Variants in MEP1A observed in about 807,000 individuals in gnomAD.
The protein encoded by MEP1A is meprin A subunit alpha, also known as N-benzoyl-L-tyrosyl-P-amino-benzoic acid hydrolase subunit alpha.
In MEP1A, 68 loss-of-function variants were observed where a neutral mutation model predicts 84.5. That is an observed-to-expected ratio of 0.80 (90% CI 0.66 to 0.98). MEP1A has a LOEUF of 0.98. MEP1A is among the 50% of genes least tolerant of loss of function. MEP1A has a pLI of 0.00. For missense variants in MEP1A, 887 were observed against 919.9 expected (o/e 0.96, Z 0.46); for synonymous variants, 337 against 336.8 (o/e 1.00, Z -0.01).
At chr6:46,806,940 C>A (rs1767339877) in intron 5 of MEP1A, among the ~76,000 whole-genome samples, 1 of 151,900 alleles carries the variant, frequency 6.6e-6, no homozygotes, top group South Asian at 2.1e-4. Context: ...AAAAGTCCTC[C>A]AGTTTCTGCC....
chr6:46,838,177 G>T (rs752359952), intron 13 of MEP1A, among the ~76,000 whole-genome samples: 1 of 151,718 alleles, frequency 6.6e-6, no homozygotes, highest in East Asian at 1.9e-4. Context: ...ACAGGCGTAT[G>T]CCACCATGCC....
chr6:46,825,787 T>A (rs1352074949), intron 8 of MEP1A, among the ~76,000 whole-genome samples: 1 of 152,322 alleles, frequency 6.6e-6, no homozygotes, highest in East Asian at 1.9e-4. Context: ...TTATGTTTTA[T>A]AAAGTCAAAG....
chr6:46,797,085 A>G (rs1427568872), intron 3 of MEP1A, among the ~76,000 whole-genome samples: 1 of 152,216 alleles, frequency 6.6e-6, no homozygotes, highest in African/African-American at 2.4e-5. Flanking sequence ...AGTCACTGGC[A>G]AGTGAAATCA....
intron 4 of MEP1A, 129 bp from the exon 5 acceptor site, chr6:46,798,977 A>C: frequency 1.5e-6 from 1 of 667,314 alleles, no homozygotes. Flanking sequence ...CATAATCAAA[A>C]GACAAATTGC....
At chr6:46,797,373 C>G (rs1767067748) in intron 3 of MEP1A, among the ~76,000 whole-genome samples, 1 of 152,170 alleles carries the variant, frequency 6.6e-6, no homozygotes, top group Non-Finnish European at 1.5e-5. Context: ...AGAAATTTTC[C>G]TACAAAGATC....
chr6:46,805,203 A>T (rs1032667381), intron 5 of MEP1A, among the ~76,000 whole-genome samples: 1 of 151,870 alleles, frequency 6.6e-6, no homozygotes, highest in Non-Finnish European at 1.5e-5. Flanking sequence ...TTGCTGGGTT[A>T]TAGTATAGGT....
intron 6 of MEP1A, among the ~76,000 whole-genome samples, chr6:46,811,176 T>C (rs1461693641): frequency 6.6e-6 from 1 of 152,134 alleles, no homozygotes; most frequent in African/African-American, 2.4e-5. Flanking sequence ...CTTGCAGTGG[T>C]CTTTCAGTCT....
chr6:46,809,278 C>T, intron 5 of MEP1A, 142 bp from the exon 6 acceptor site: 2 of 567,636 alleles, frequency 3.5e-6, no homozygotes, highest in Non-Finnish European at 5.9e-6. Context: ...TTTTAGTTAC[C>T]AGGAAATCTA....
intron 2 of MEP1A, 30 bp from the exon 3 acceptor site, chr6:46,793,636 A>G (rs773091636): frequency 1.8e-5 from 28 of 1,588,506 alleles, no homozygotes; most frequent in African/African-American, 4.1e-5. Context: ...CGGCAAGACT[A>G]ATAATAATTT....
At chr6:46,841,153 A>G (rs114608858), downstream of MEP1A, among the ~76,000 whole-genome samples, 2,213 of 152,338 alleles carry the variant, frequency 0.015, 52 homozygotes, top group African/African-American at 0.05. Context: ...AAGATAACCT[A>G]GTATTTTCAT....
At chr6:46,843,280 G>A (rs1768364312), downstream of MEP1A, among the ~76,000 whole-genome samples, 1 of 152,146 alleles carries the variant, frequency 6.6e-6, no homozygotes, top group Admixed American at 6.5e-5. Context: ...CCCCTGAGGG[G>A]CAAAATCATT....
chr6:46,795,185 G>T (rs1746187216), intron 3 of MEP1A, among the ~76,000 whole-genome samples: 1 of 152,150 alleles, frequency 6.6e-6, no homozygotes, highest in South Asian at 2.1e-4. Context: ...ACTCCTTCTA[G>T]ATTTTCGGCT....
chr6:46,797,244 A>G (rs959482026), intron 3 of MEP1A, among the ~76,000 whole-genome samples: 4 of 152,214 alleles, frequency 2.6e-5, no homozygotes, highest in African/African-American at 9.6e-5. Context: ...CAGCCTGTAA[A>G]TCAGGGCTGT....
chr6:46,844,680 C>A (rs551212683), downstream of MEP1A, among the ~76,000 whole-genome samples: 1 of 152,208 alleles, frequency 6.6e-6, no homozygotes, highest in East Asian at 1.9e-4. Flanking sequence ...CAGCCCCCAA[C>A]AAAAATGGTC....
chr6:46,837,883 T>C (rs1768249121), intron 13 of MEP1A, among the ~76,000 whole-genome samples: 1 of 151,232 alleles, frequency 6.6e-6, no homozygotes, highest in Non-Finnish European at 1.5e-5. Context: ...TAAAAGAAAA[T>C]GCTGACTTCT....
At chr6:46,806,243 C>G (rs966025216) in intron 5 of MEP1A, among the ~76,000 whole-genome samples, 4 of 151,994 alleles carry the variant, frequency 2.6e-5, no homozygotes, top group Non-Finnish European at 5.9e-5. Flanking sequence ...ATAACAATTT[C>G]CTGTTCCTTC....
intron 6 of MEP1A, among the ~76,000 whole-genome samples, chr6:46,812,216 A>T (rs1158804855): frequency 6.6e-6 from 1 of 152,044 alleles, no homozygotes. Context: ...GTATATTTCC[A>T]GGAATTTATC....
intron 5 of MEP1A, among the ~76,000 whole-genome samples, chr6:46,807,770 GGAAAGAAAGAAAGAAA>G (rs545795578): frequency 0.026 from 2,561 of 96,694 alleles, 58 homozygotes; most frequent in East Asian, 0.053. Context: ...AAGGGAGAAA[GGAAAGAAAGAAAGAAA>G]GAAAGAAAGA....
chr6:46,809,365 A>G (rs1767435954), intron 5 of MEP1A, 55 bp from the exon 6 acceptor site: 1 of 1,096,172 alleles, frequency 9.1e-7, no homozygotes, highest in Admixed American at 2.0e-5. Context: ...TATAAGTTAT[A>G]GATATTATCT....
Sources: gnomAD v4.1 joint callset for allele counts (sites outside exome capture counted in the v4.1 genomes callset) on GRCh38, gnomAD v4.1.1 for gene constraint, MANE v1.5 for transcripts, NCBI Gene and HGNC (gene_info 2026-07-23, HGNC 2026-07-21) for gene names.